SLC9A9: variants seen among roughly 807,000 people sequenced by gnomAD.
SLC9A9 encodes the protein solute carrier family 9 member A9.
Under a neutral mutation model 77.8 loss-of-function variants are expected in SLC9A9, and 62 were observed. The ratio of observed to expected loss-of-function variants is 0.80; its 90% confidence interval spans 0.65 to 0.98. The LOEUF (loss-of-function observed/expected upper bound fraction) is 0.98, where lower values mean the gene tolerates loss of function less well. SLC9A9 is among the 50% of genes least tolerant of loss of function. SLC9A9 has a pLI of 0.00. For missense variants in SLC9A9, 775 were observed against 774.9 expected, an observed-to-expected ratio of 1.00 and a Z score of 0.00; for synonymous variants, 320 against 283.5, an observed-to-expected ratio of 1.13 and a Z score of -1.29.
intron 6 of SLC9A9, among the ~76,000 whole-genome samples, chr3:143,588,646 T>C (rs906388221): frequency 2.0e-5 from 3 of 152,244 alleles, no homozygotes; most frequent in Non-Finnish European, 2.9e-5. Context: ...TTGAAACATG[T>C]TGTCAGAATT....
intron 14 of SLC9A9, among the ~76,000 whole-genome samples, chr3:143,291,517 T>C (rs2029976060): frequency 6.6e-6 from 1 of 152,038 alleles, no homozygotes; most frequent in South Asian, 2.1e-4. Flanking sequence ...GGGTTCTGTC[T>C]CTCCACCCGA....
intron 9 of SLC9A9, among the ~76,000 whole-genome samples, chr3:143,532,790 C>T (rs1179409048): frequency 6.6e-6 from 1 of 152,160 alleles, no homozygotes; most frequent in African/African-American, 2.4e-5. Flanking sequence ...TAGATAATCA[C>T]TTTAGGGATG....
intron 14 of SLC9A9, among the ~76,000 whole-genome samples, chr3:143,319,778 T>C (rs746888362): frequency 1.1e-4 from 17 of 152,158 alleles, no homozygotes; most frequent in African/African-American, 3.6e-4. Context: ...TCTGCTGAAA[T>C]TGAAATTTAA....
chr3:143,778,499 C>T (rs191068874), intron 4 of SLC9A9, among the ~76,000 whole-genome samples: 29 of 152,082 alleles, frequency 1.9e-4, no homozygotes, highest in African/African-American at 4.6e-4. Context: ...AAAGCAAAGA[C>T]GGTTTTCAGA....
intron 14 of SLC9A9, among the ~76,000 whole-genome samples, chr3:143,295,693 A>G (rs994408772): frequency 2.6e-5 from 4 of 152,156 alleles, no homozygotes; most frequent in South Asian, 2.1e-4. Flanking sequence ...AACCTTTATC[A>G]TCACCTACAC....
chr3:143,788,296 G>A (rs1026645084), intron 4 of SLC9A9, among the ~76,000 whole-genome samples: 2 of 152,156 alleles, frequency 1.3e-5, no homozygotes, highest in Admixed American at 1.3e-4. Flanking sequence ...TGACTTTGAG[G>A]TAGGGGAGGA....
chr3:143,405,067 AGGGGGT>A (rs1053775284), intron 12 of SLC9A9, among the ~76,000 whole-genome samples: 1 of 152,180 alleles, frequency 6.6e-6, no homozygotes, highest in Non-Finnish European at 1.5e-5. Flanking sequence ...GGGGCATCCA[AGGGGGT>A]GTAACCCAGC....
intron 5 of SLC9A9, among the ~76,000 whole-genome samples, chr3:143,653,143 G>T (rs142925416): frequency 5.9e-5 from 9 of 152,288 alleles, no homozygotes; most frequent in Non-Finnish European, 8.8e-5. Context: ...TCTGTCCTGA[G>T]ATCACACTCA....
chr3:143,730,518 A>G (rs1004951213), intron 4 of SLC9A9, among the ~76,000 whole-genome samples: 1 of 152,084 alleles, frequency 6.6e-6, no homozygotes, highest in African/African-American at 2.4e-5. Flanking sequence ...CCAAGTTCTG[A>G]TCATTCTCTG....
intron 5 of SLC9A9, among the ~76,000 whole-genome samples, chr3:143,670,195 C>A (rs1345782617): frequency 1.3e-5 from 2 of 152,132 alleles, no homozygotes; most frequent in Non-Finnish European, 2.9e-5. Context: ...GGATGTTGAG[C>A]AAGATTGTCT....
chr3:143,634,143 C>CTTTTTTTTTTTTTTTTTTTTTTTT (rs1164545805), intron 6 of SLC9A9, among the ~76,000 whole-genome samples: 1 of 147,964 alleles, frequency 6.8e-6, no homozygotes, highest in African/African-American at 2.7e-5. Flanking sequence ...TCCCATAATC[C>CTTTTTTTTTTTTTTTTTTTTTTTT]TTTCTTTAAG....
chr3:143,834,571 C>CTTTTTTTTT (rs5853131), intron 1 of SLC9A9, among the ~76,000 whole-genome samples: 1 of 116,942 alleles, frequency 8.6e-6, no homozygotes, highest in Non-Finnish European at 1.7e-5. Context: ...GCGAGGCACT[C>CTTTTTTTTT]TTTTTTTTTT....
At chr3:143,644,352 G>A (rs931511705) in intron 6 of SLC9A9, among the ~76,000 whole-genome samples, 1 of 152,152 alleles carries the variant, frequency 6.6e-6, no homozygotes, top group South Asian at 2.1e-4. Flanking sequence ...GACTTGACAC[G>A]AGCAAAGCAA....
chr3:143,546,993 C>T (rs899490467), intron 9 of SLC9A9, among the ~76,000 whole-genome samples: 1 of 152,196 alleles, frequency 6.6e-6, no homozygotes, highest in African/African-American at 2.4e-5. Context: ...TCACTGTCAT[C>T]AGTGATGTTC....
rs527508067 is a variant in SLC9A9 at position 143,513,576 on chromosome 3, T to C, written c.1090-18128A>G. Among the ~76,000 whole-genome samples, 3 of 152,342 alleles carry C rather than the reference T, an allele frequency of 2.0e-5. No individual in the cohort carries two copies. The South Asian group carries it at 6.2e-4, about 32-fold the overall frequency. Reference sequence around the variant, plus strand: ...TTTCATAAATCACAAATGTTCTTAATAGCATTTAGAATGGTGAATCCTATC... The same window carrying C: ...TTTCATAAATCACAAATGTTCTTAACAGCATTTAGAATGGTGAATCCTATC... On this transcript the variant is annotated intron_variant, in intron 9 of 15. Transcript: ENST00000316549.
At chr3:143,316,230 CT>C (rs1191654346) in intron 14 of SLC9A9, among the ~76,000 whole-genome samples, 3 of 152,192 alleles carry the variant, frequency 2.0e-5, no homozygotes, top group Non-Finnish European at 2.9e-5. Context: ...AAGGGGGTTG[CT>C]GGATTTCTTT....
At chr3:143,845,747 A>T (rs966305772) in intron 1 of SLC9A9, among the ~76,000 whole-genome samples, 22 of 152,222 alleles carry the variant, frequency 1.4e-4, no homozygotes, top group Non-Finnish European at 2.6e-4. Context: ...TCACTAAAAT[A>T]TGTCTTTTCA....
intron 9 of SLC9A9, among the ~76,000 whole-genome samples, chr3:143,529,476 G>C (rs1489536337): frequency 1.3e-5 from 2 of 152,216 alleles, no homozygotes; most frequent in Non-Finnish European, 2.9e-5. Context: ...GTCATCCCAT[G>C]AAAGTATTTG....
intron 4 of SLC9A9, among the ~76,000 whole-genome samples, chr3:143,695,498 C>T (rs1933609862): frequency 6.6e-6 from 1 of 152,138 alleles, no homozygotes. Flanking sequence ...ATCCATGTCC[C>T]TGCAAGGGAC....
Sources: allele counts gnomAD v4.1 joint callset (sites outside exome capture counted in the v4.1 genomes callset), GRCh38; gene constraint gnomAD v4.1.1; transcripts MANE v1.5; gene names NCBI Gene and HGNC (gene_info 2026-07-23, HGNC 2026-07-21).